Variants in NCKAP1L observed in about 807,000 individuals in gnomAD.
NCKAP1L encodes nck-associated protein 1-like.
Under a neutral mutation model 139.2 loss-of-function variants are expected in NCKAP1L, and 53 were observed. The ratio of observed to expected loss-of-function variants is 0.38; its 90% CI spans 0.31 to 0.48. NCKAP1L has a LOEUF of 0.48. Among genes scored for constraint, NCKAP1L ranks in the 20% least tolerant of loss-of-function variants. The pLI is 0.98. For missense variants in NCKAP1L, 1,151 were observed against 1,381.9 expected, an observed-to-expected ratio of 0.83 and a Z score of 2.65; for synonymous variants, 468 against 499.7, an observed-to-expected ratio of 0.94 and a Z score of 0.85.
At chr12:54,526,879 G>A (rs12367451) in intron 21 of NCKAP1L, 133 bp downstream of exon 21, 1 of 705,780 alleles carries the variant, frequency 1.4e-6, no homozygotes, top group African/African-American at 1.8e-5. Flanking sequence ...GCTTCTCCTT[G>A]AGGAATGGAG....
intron 14 of NCKAP1L, 43 bp downstream of exon 14, chr12:54,518,775 G>A (rs759476917): frequency 1.3e-6 from 2 of 1,552,270 alleles, no homozygotes; most frequent in Non-Finnish European, 1.8e-6. Context: ...ATGTGAGGAT[G>A]AACATCTTTT....
At position 54,509,994 on chromosome 12, in the gene NCKAP1L, C is replaced by T. The variant is rs757405820; in HGVS notation, c.735+9C>T. The T allele has an allele frequency of 1.9e-6, 3 of 1,613,816 alleles. No homozygotes were observed. The highest frequency in any genetic ancestry group is 3.3e-5 in the Admixed American group (2 of 60,006). On this transcript the variant is annotated intron_variant, in intron 7 of 30. Transcript: ENST00000293373. ...CTGCTAATTCAGATACAGTGAGTGCCCTTTTCCTTTTGTTAGTGGAAGCAT... is the reference window on the plus strand; with the variant it reads ...CTGCTAATTCAGATACAGTGAGTGCTCTTTTCCTTTTGTTAGTGGAAGCAT...
intron 3 of NCKAP1L, among the ~76,000 whole-genome samples, chr12:54,502,823 CA>C (rs780466592): frequency 6.9e-4 from 40 of 57,952 alleles, no homozygotes; most frequent in African/African-American, 1.9e-3. Flanking sequence ...CCCATCTACA[CA>C]AAAAAAAAAA....
chr12:54,516,374 C>A, intron 10 of NCKAP1L, 79 bp downstream of exon 10: 1 of 1,356,988 alleles, frequency 7.4e-7, no homozygotes, highest in Non-Finnish European at 1.1e-6. Context: ...CTAAGCCATC[C>A]TTAGTTTCTG....
Position 54,535,122 on chromosome 12 carries a change from GA to G in NCKAP1L, c.2882del (p.Glu961GlyfsTer23). On this transcript the variant is annotated frameshift_variant, in exon 27 of 31. Coordinates refer to ENST00000293373, the MANE Select transcript of NCKAP1L (RefSeq NM_005337.5). LOFTEE classifies it high-confidence loss of function. ...TDIKVTLSIF[E>X]LASAAGVGCD... ...TCTCCAGGTGACCTTGAGTATCTTTGAGCTGGCATCTGCTGCAGGTGTGGGC... is the reference window on the plus strand; with the variant it reads ...TCTCCAGGTGACCTTGAGTATCTTTGGCTGGCATCTGCTGCAGGTGTGGGC... 6.2e-7 allele frequency: 1 copy of G among 1,613,270 alleles called. No individual in the cohort carries two copies. The highest frequency in any genetic ancestry group is 8.5e-7 in the Non-Finnish European group (1 of 1,179,586).
chr12:54,521,148 C>T lies in NCKAP1L; in HGVS notation c.1788C>T (p.His596=), dbSNP rs12423227. The change falls in exon 18 of 31, where the codon CAC becomes CAT. Residue 596 remains histidine (H), a synonymous_variant. Coordinates refer to ENST00000293373, the MANE Select transcript of NCKAP1L (RefSeq NM_005337.5). ...EYPHLKNHGL[H]HCNSFLEELA... is the part of the protein sequence containing the mutation. The stretch of plus-strand genomic sequence containing the variant: ...CCCACCTCAAGAACCATGGTCTTCA[C>T]CACTGCAACTCCTTCCTGGAAGAGT... The T allele has an allele frequency of 4.8e-3, 7,822 of 1,614,056 alleles. 319 individuals carry two copies. In the East Asian group the frequency reaches 0.075, roughly 15 times the overall value.
chr12:54,538,650 C>G (rs532622148), intron 29 of NCKAP1L, among the ~76,000 whole-genome samples: 1 of 152,306 alleles, frequency 6.6e-6, no homozygotes, highest in East Asian at 1.9e-4. Flanking sequence ...AATCTCTCCC[C>G]TAGCACTCCT....
At chr12:54,518,018 A>C in intron 13 of NCKAP1L, 80 bp downstream of exon 13, 1 of 1,541,410 alleles carries the variant, frequency 6.5e-7, no homozygotes, top group Non-Finnish European at 8.9e-7. Context: ...CTCTGGCTGA[A>C]TCTCATGCTC....
intron 30 of NCKAP1L, among the ~76,000 whole-genome samples, chr12:54,540,065 A>G (rs1957144878): frequency 6.6e-6 from 1 of 152,180 alleles, no homozygotes; most frequent in Non-Finnish European, 1.5e-5. Context: ...AACTTGGAGG[A>G]GCCCAAAAAT....
chr12:54,517,654 A>G lies in NCKAP1L; in HGVS notation c.1205+12A>G. The G allele has an allele frequency of 6.2e-7, 1 of 1,604,032 alleles. No homozygotes were observed. Among genetic ancestry groups the G allele is most frequent in the Non-Finnish European group, 8.5e-7 (1 of 1,170,762 alleles). Reference sequence around the variant, plus strand: ...GACTATGCTGACTCGTTAGTACTTGACATGGCTAAGAACCTTGTCCTTAGA... The same window carrying G: ...GACTATGCTGACTCGTTAGTACTTGGCATGGCTAAGAACCTTGTCCTTAGA... On this transcript the variant is annotated intron_variant, in intron 12 of 30. Transcript: ENST00000293373.
rs778443351 is a variant in NCKAP1L at position 54,531,509 on chromosome 12, A to C, written c.2623A>C (p.Met875Leu). ...ACTACAGAAGCTGGTGGTGGAAAAC[A>C]TGGACATACTTGTTCAGATCAGATC... The part of the protein sequence containing the change: ...VELKKLVVEN[M>L]DILVQIRSNF... Residue 875 changes from methionine to leucine, a missense_variant, in exon 24 of 31, where the codon ATG (methionine) becomes CTG (leucine). Met to Leu is a conservative substitution (Grantham distance 15). Transcript: ENST00000293373. The C allele has an allele frequency of 2.5e-6, 4 of 1,614,226 alleles. No homozygotes were observed. The highest frequency in any genetic ancestry group is 3.4e-6 in the Non-Finnish European group (4 of 1,180,032).
intron 5 of NCKAP1L, 64 bp downstream of exon 5, chr12:54,508,595 C>A (rs1223056965): frequency 1.3e-6 from 2 of 1,518,616 alleles, no homozygotes; most frequent in Non-Finnish European, 9.0e-7. Flanking sequence ...TAGAGAGTCC[C>A]TCATGCAAAG....
At chr12:54,525,070 T>C (rs1592347462) in intron 20 of NCKAP1L, among the ~76,000 whole-genome samples, 2 of 152,318 alleles carry the variant, frequency 1.3e-5, no homozygotes, top group South Asian at 2.1e-4. Flanking sequence ...TGCAGCACTA[T>C]GAGCCTGGGA....
chr12:54,525,820 A>T (rs1447453104), intron 20 of NCKAP1L, among the ~76,000 whole-genome samples: 1 of 152,216 alleles, frequency 6.6e-6, no homozygotes, highest in Non-Finnish European at 1.5e-5. Context: ...ACATTTTAAC[A>T]AGGAAAAAAG....
At position 54,531,374 on chromosome 12, in the gene NCKAP1L, C is replaced by A; in HGVS notation, c.2604+17C>A. On this transcript the variant is annotated intron_variant, in intron 23 of 30. Coordinates refer to ENST00000293373, the MANE Select transcript of NCKAP1L (RefSeq NM_005337.5). ...GAGCTGAAGGTACTATGGAAACAAT[C>A]CCTTGGGGAAAAGATCCTACCTTGA... 7 of 1,612,774 alleles carry A rather than the reference C, an allele frequency of 4.3e-6. No homozygotes were observed. The highest frequency in any genetic ancestry group is 5.9e-6 in the Non-Finnish European group (7 of 1,178,866).
rs773253702 is a variant in NCKAP1L at position 54,538,889 on chromosome 12, C to T, written c.3189C>T (p.Ala1063=). 3 of 1,613,798 alleles carry T rather than the reference C, an allele frequency of 1.9e-6. No homozygotes were observed. In the South Asian group the frequency reaches 3.3e-5, roughly 18 times the overall value. ...ETHLKEFLVV[A]SVSLLQLGQE... ...TACAAATTCTTCCCTTACAGGTGGC[C>T]TCTGTCAGCCTCTTGCAGCTGGGCC... Residue 1063 remains alanine, a synonymous_variant, in exon 30 of 31, where the codon GCC becomes GCT. Coordinates refer to ENST00000293373, the MANE Select transcript of NCKAP1L (RefSeq NM_005337.5).
intron 3 of NCKAP1L, among the ~76,000 whole-genome samples, chr12:54,505,194 T>C (rs1226269864): frequency 6.6e-6 from 1 of 152,254 alleles, no homozygotes; most frequent in Non-Finnish European, 1.5e-5. Flanking sequence ...GAAACAAGCA[T>C]GGAGACGGGG....
At chr12:54,516,673 T>C (rs111389209) in intron 10 of NCKAP1L, among the ~76,000 whole-genome samples, 2 of 152,186 alleles carry the variant, frequency 1.3e-5, no homozygotes, top group African/African-American at 4.8e-5. Flanking sequence ...CTTGAACTCC[T>C]GACCTCAGGT....
intron 26 of NCKAP1L, among the ~76,000 whole-genome samples, chr12:54,534,474 T>C (rs574162019): frequency 2.0e-5 from 3 of 152,290 alleles, no homozygotes; most frequent in African/African-American, 7.2e-5. Context: ...CACCAGATGC[T>C]GTGTGTGATC....
Sources: allele counts gnomAD v4.1 joint callset (sites outside exome capture counted in the v4.1 genomes callset), GRCh38; gene constraint gnomAD v4.1.1; transcripts MANE v1.5; gene names NCBI Gene and HGNC (gene_info 2026-07-23, HGNC 2026-07-21).